The following ANKRD18B variants were observed in gnomAD, a reference collection of about 807,000 sequenced individuals.
ANKRD18B encodes the protein ankyrin repeat domain 18B, also known as ankyrin repeat domain-containing protein 18B.
ANKRD18B carries 75 observed loss-of-function variants against 111.8 expected under a neutral mutation model. The ratio of observed to expected loss-of-function variants is 0.67; its 90% CI spans 0.56 to 0.81. The LOEUF (loss-of-function observed/expected upper bound fraction) is 0.81. ANKRD18B is among the 40% of genes least tolerant of loss of function. ANKRD18B has a pLI of 0.00. For synonymous variants in ANKRD18B, 356 were observed against 417.3 expected (o/e 0.85, Z 1.79); for missense variants, 1,038 against 1,225.5 (o/e 0.85, Z 2.28).
At chr9:33,553,641 C>T (rs1828479420) in intron 12 of ANKRD18B, among the ~76,000 whole-genome samples, 3 of 152,124 alleles carry the variant, frequency 2.0e-5, no homozygotes, top group Non-Finnish European at 4.4e-5. Context: ...TGGAGCTTCC[C>T]AATGACATAG....
At chr9:33,567,064 A>G in intron 15 of ANKRD18B, 39 bp from the exon 16 acceptor site, 1 of 1,490,828 alleles carries the variant, frequency 6.7e-7, no homozygotes, top group South Asian at 1.3e-5. Context: ...TAATTAACTT[A>G]TAATTGTTTT....
chr9:33,571,724 A>G (rs1313445448), intron 18 of ANKRD18B: 8 of 154,436 alleles, frequency 5.2e-5, no homozygotes, highest in African/African-American at 1.7e-4. Context: ...CTTGTCTCTC[A>G]CCACTTACTG....
intron 12 of ANKRD18B, among the ~76,000 whole-genome samples, chr9:33,553,535 A>T (rs1402400883): frequency 6.6e-6 from 1 of 152,136 alleles, no homozygotes; most frequent in Non-Finnish European, 1.5e-5. Flanking sequence ...TATTTCATGA[A>T]TTCCTAAGCA....
rs148219327 is a variant in ANKRD18B at position 33,534,530 on chromosome 9, C to T, written c.740+23C>T. ...AAGGTATGTGCTTATATTAAAAGAC[C>T]GGTTAATACTAAATTAAGGTTTTAA... On this transcript the variant is annotated intron_variant, in intron 5 of 18. Transcript: ENST00000684830. 981 of 1,498,514 alleles carry T rather than the reference C, an allele frequency of 6.5e-4. 4 individuals are homozygous for T. The African/African-American group carries it at 0.012, about 19-fold the overall frequency. 92.8% of individuals were successfully genotyped at this position (1,498,514 alleles called of 1,614,324 possible).
chr9:33,543,172 G>A lies in ANKRD18B; in HGVS notation c.1079-13G>A. On this transcript the variant is annotated splice_polypyrimidine_tract_variant and intron_variant, in intron 9 of 18. Transcript: ENST00000684830. ...GTCATTCATTTTAACTAAACATATGGATTTGTCAGCAGAACACAACTTAAA... is the reference window on the plus strand; with the variant it reads ...GTCATTCATTTTAACTAAACATATGAATTTGTCAGCAGAACACAACTTAAA... 1.3e-6 allele frequency: 2 copies of A among 1,546,652 alleles called. No individual in the cohort carries two copies. Among genetic ancestry groups the A allele is most frequent in the East Asian group, 4.9e-5 (2 of 40,796 alleles).
At chr9:33,558,598 A>G (rs905095312) in intron 14 of ANKRD18B, among the ~76,000 whole-genome samples, 1 of 152,182 alleles carries the variant, frequency 6.6e-6, no homozygotes, top group Non-Finnish European at 1.5e-5. Context: ...GTCTATCATT[A>G]TGGACATCTG....
intron 13 of ANKRD18B, 31 bp from the exon 14 acceptor site, chr9:33,558,027 T>A (rs34748833): frequency 0.45 from 675,840 of 1,496,426 alleles, 156,152 homozygotes; most frequent in Non-Finnish European, 0.47. Flanking sequence ...TCTTAAAAAT[T>A]CTTGACTTAC....
chr9:33,564,703 CTT>C (rs762777117), intron 14 of ANKRD18B, among the ~76,000 whole-genome samples: 1 of 151,908 alleles, frequency 6.6e-6, no homozygotes, highest in African/African-American at 2.4e-5. Context: ...CTCACCAGCA[CTT>C]TTTTTTGTGT....
At position 33,572,432 on chromosome 9, in the gene ANKRD18B, T is replaced by G. The variant is rs1431669708; in HGVS notation, c.3340T>G (p.Ter1114GluextTer15). 1.0e-5 allele frequency: 16 copies of G among 1,542,538 alleles called. No individual in the cohort carries two copies. The highest frequency in any genetic ancestry group is 1.1e-5 in the Non-Finnish European group (13 of 1,139,970). Residue 1114 changes from the stop codon to glutamate (E), a stop_lost, in exon 19 of 19, where the codon TAA (stop) becomes GAA (glutamate). Coordinates refer to ENST00000684830, the MANE Select transcript of ANKRD18B (RefSeq NM_001393611.1). The part of the protein sequence containing the change: ...HKILRKSCMI[*>E] ...AATCTTAAGGAAAAGTTGTATGATT[T>G]AAAAGATCATAAAACTTTATTACTG...
intron 14 of ANKRD18B, among the ~76,000 whole-genome samples, chr9:33,563,197 T>A (rs75427079): frequency 0.041 from 6,170 of 152,282 alleles, 144 homozygotes; most frequent in East Asian, 0.055. Context: ...CTACCTAAGT[T>A]GTTTCCTGTT....
Position 33,550,472 on chromosome 9 carries a change from A to G in ANKRD18B, c.2110A>G (p.Lys704Glu), listed in dbSNP as rs1218798856. ...EFQEELVDHLKKFSMSESPLE... is the reference protein window; with the variant it reads ...EFQEELVDHLEKFSMSESPLE... ...TCAAGAAGAACTGGTCGATCATCTT[A>G]AAAAATTTTCAATGTCAGAGTCTCC... The change falls in exon 12 of 19, where the codon AAA becomes GAA. Residue 704 changes from lysine (K) to glutamate (E), a missense_variant. Transcript: ENST00000684830. The G allele has an allele frequency of 3.9e-6, 6 of 1,547,926 alleles. No individual in the cohort carries two copies. In the South Asian group the frequency reaches 4.8e-5, roughly 12 times the overall value.
chr9:33,540,110 C>CA lies in ANKRD18B; in HGVS notation c.896dup (p.His299GlnfsTer2), dbSNP rs1828257143. 1 of 151,794 alleles carries CA rather than the reference C, an allele frequency of 6.6e-6. No homozygotes were observed. Among genetic ancestry groups the CA allele is most frequent in the African/African-American group, 2.4e-5 (1 of 41,300 alleles). 9.4% of individuals were successfully genotyped at this position (151,794 alleles called of 1,614,324 possible). A position where few individuals can be genotyped will look rare whatever the true frequency, so the allele number is the denominator to read the frequency against. ...CTATCACCAGTCTGGAGTCCAGTGG[C>CA]ATGATCTCAGATTACTGCAGCCTTC... is the stretch of plus-strand genomic sequence containing the variant. On this transcript the variant is annotated frameshift_variant, in exon 8 of 19. Transcript: ENST00000684830. LOFTEE classifies it high-confidence loss of function.
In ANKRD18B at chr9:33,544,751, T is replaced by C. The variant is rs7862815; in HGVS notation, c.1149+1496T>C. 5.8e-3 allele frequency among the ~76,000 whole-genome samples: 879 copies of C among 152,166 alleles called. 3 individuals carry two copies. Among genetic ancestry groups the C allele is most frequent in the African/African-American group, 0.02 (838 of 41,500 alleles). On this transcript the variant is annotated intron_variant, in intron 10 of 18. Transcript: ENST00000684830. ...ACTCGGGAGGCTGAGGCAGGAGAAT[T>C]GCTTGAACATGGGAGGCAGAGGTTG... is the stretch of plus-strand genomic sequence containing the variant.
At chr9:33,543,121 AT>A in intron 9 of ANKRD18B, 63 bp from the exon 10 acceptor site, 1 of 1,384,172 alleles carries the variant, frequency 7.2e-7, no homozygotes, top group Non-Finnish European at 9.9e-7. Flanking sequence ...TTTTGTATCA[AT>A]TTTTATAAAG....
chr9:33,540,278 G>C (rs1828259859), intron 8 of ANKRD18B, 66 bp downstream of exon 8: 2 of 152,228 alleles, frequency 1.3e-5, no homozygotes. Context: ...TCAGTCTCTT[G>C]ACCTCGTGAT....
chr9:33,555,589 A>G, intron 12 of ANKRD18B, 119 bp from the exon 13 acceptor site: 2 of 773,630 alleles, frequency 2.6e-6, no homozygotes, highest in Non-Finnish European at 3.5e-6. Context: ...GGTTTGTAAA[A>G]TGCACTTTAT....
chr9:33,533,810 G>A (rs1828152015), intron 4 of ANKRD18B: 1 of 544,316 alleles, frequency 1.8e-6, no homozygotes, highest in Non-Finnish European at 2.5e-6. Context: ...TTAGCTAAAG[G>A]GGTTTTGTAT....
chr9:33,561,774 T>C lies in ANKRD18B; in HGVS notation c.2460+3587T>C, dbSNP rs535200685. ...ATCATTTATTGAAAAGACTATTCTT[T>C]TCCCATTCTGTTTTTTTGTTAACCT... On this transcript the variant is annotated intron_variant, in intron 14 of 18. Coordinates refer to ENST00000684830, the MANE Select transcript of ANKRD18B (RefSeq NM_001393611.1). 5.9e-5 allele frequency among the ~76,000 whole-genome samples: 9 copies of C among 152,332 alleles called. No homozygotes were observed. The East Asian group carries it at 1.7e-3, about 29-fold the overall frequency.
chr9:33,524,519 C>A lies in ANKRD18B; in HGVS notation c.30C>A (p.Arg10=). The change falls in exon 1 of 19, where the codon CGC becomes CGA. Residue 10 remains arginine, a synonymous_variant. Transcript: ENST00000684830. The part of the protein sequence containing the change: MRKLLSFGR[R]LGQALLSSMD... ...GGAAGCTCCTCAGTTTTGGGAGACG[C>A]CTGGGCCAGGCGCTCCTGAGCTCCA... 1.3e-6 allele frequency: 2 copies of A among 1,550,940 alleles called. No homozygotes were observed. The highest frequency in any genetic ancestry group is 8.7e-7 in the Non-Finnish European group (1 of 1,146,684).
Sources: allele counts gnomAD v4.1 joint callset (sites outside exome capture counted in the v4.1 genomes callset), GRCh38; gene constraint gnomAD v4.1.1; transcripts MANE v1.5; gene names NCBI Gene and HGNC (gene_info 2026-07-23, HGNC 2026-07-21).